RNF103: variants seen among roughly 807,000 people sequenced by gnomAD.
The protein encoded by RNF103 is ring finger protein 103, also known as E3 ubiquitin-protein ligase RNF103.
RNF103 carries 23 observed loss-of-function variants against 66.2 expected under a neutral mutation model. The observed-to-expected ratio is 0.35, with a 90% confidence interval of 0.25 to 0.49. RNF103 has a LOEUF of 0.49. Ranked by LOEUF, RNF103 falls within the 20% of genes least tolerant of loss-of-function variation. RNF103 has a pLI of 0.98. For missense variants in RNF103, 730 were observed against 814.7 expected (o/e 0.90, Z 1.27); for synonymous variants, 297 against 289.9 (o/e 1.02, Z -0.25).
Position 86,604,773 on chromosome 2 carries a change from G to C in RNF103, c.1128C>G (p.Gly376=), listed in dbSNP as rs936164975. 6.2e-7 allele frequency: 1 copy of C among 1,613,928 alleles called. No individual in the cohort carries two copies. Among genetic ancestry groups the C allele is most frequent in the African/African-American group, 1.3e-5 (1 of 74,914 alleles). Residue 376 remains glycine, a synonymous_variant, in exon 4 of 4, where the codon GGC becomes GGG. Coordinates refer to ENST00000237455, the MANE Select transcript of RNF103 (RefSeq NM_005667.4). ...LLIISWLPVL[G]FLQLPYLDSF... ...TATCTAAGTAAGGTAGCTGTAAAAA[G>C]CCCAACACAGGTAGCCAGGAAATAA...
At chr2:86,617,568 C>T (rs374537117) in intron 2 of RNF103, 43 of 791,168 alleles carry the variant, frequency 5.4e-5, no homozygotes, top group African/African-American at 4.0e-4. Flanking sequence ...GTACTATCCA[C>T]GGTTTCAGGC....
chr2:86,611,666 TAAAG>T (rs1292773925), intron 3 of RNF103, among the ~76,000 whole-genome samples: 1 of 151,884 alleles, frequency 6.6e-6, no homozygotes, highest in Non-Finnish European at 1.5e-5. Flanking sequence ...CATGGATGAT[TAAAG>T]AAAAAGAGGA....
In RNF103 at chr2:86,610,511, CAG is replaced by C. The variant is rs558530784; in HGVS notation, c.482+1646_482+1647del. 1.2e-3 allele frequency among the ~76,000 whole-genome samples: 186 copies of C among 152,254 alleles called. 1 individual carries two copies. Among genetic ancestry groups the C allele is most frequent in the Middle Eastern group, 6.8e-3 (2 of 292 alleles). On this transcript the variant is annotated intron_variant, in intron 3 of 3. Transcript: ENST00000237455. The stretch of plus-strand genomic sequence containing the variant: ...CATTCTTTCAGTTTTTCACGTTTAA[CAG>C]ATTATTTTTATTTTGTTTTTGAATT...
chr2:86,603,830 A>C lies in RNF103; in HGVS notation c.*13T>G. ...AAGATACTCAAAGCTTATAAAGGAC[A>C]AATTGCACATGGTTAAGATGGGACA... On this transcript the variant is annotated 3_prime_UTR_variant, in exon 4 of 4. Coordinates refer to ENST00000237455, the MANE Select transcript of RNF103 (RefSeq NM_005667.4). 1 of 1,593,356 alleles carries C rather than the reference A, an allele frequency of 6.3e-7. No individual in the cohort carries two copies. Among genetic ancestry groups the C allele is most frequent in the Non-Finnish European group, 8.5e-7 (1 of 1,171,564 alleles).
intron 2 of RNF103, chr2:86,616,724 A>G: frequency 1.0e-6 from 1 of 985,410 alleles, no homozygotes; most frequent in African/African-American, 1.7e-5. Context: ...TGCTACCTCA[A>G]TTCCAGTGAC....
In RNF103 at chr2:86,604,563, TTCA is replaced by T. The variant is rs1209182351; in HGVS notation, c.1335_1337del (p.Asp445del). ...ACCATTCTAAGTTATTGGCATTGAC[TTCA>T]TCATTGTTGTTGTTGCGCCTTCTCT... On this transcript the variant is annotated inframe_deletion, in exon 4 of 4. Coordinates refer to ENST00000237455, the MANE Select transcript of RNF103 (RefSeq NM_005667.4). 6 of 1,614,180 alleles carry T rather than the reference TTCA, an allele frequency of 3.7e-6. No individual in the cohort carries two copies. Among genetic ancestry groups the T allele is most frequent in the Non-Finnish European group, 4.2e-6 (5 of 1,180,024 alleles).
chr2:86,604,472 G>A lies in RNF103; in HGVS notation c.1429C>T (p.Pro477Ser), dbSNP rs191032796. The change falls in exon 4 of 4, where the codon CCT becomes TCT. Residue 477 changes from proline to serine, a missense_variant. Physicochemically the swap from Pro to Ser is moderately conservative, Grantham distance 74 (BLOSUM62 -1). This residue lies in a region of RNF103 where 355 missense variants were observed against 351.9 expected (regional missense o/e 1.01). Coordinates refer to ENST00000237455, the MANE Select transcript of RNF103 (RefSeq NM_005667.4). Reference sequence around the variant, plus strand: ...TCTTCGTCCCAATCAGATTCTACAGGAAAGTTCTGAAAAGAAGCAATCGGG... The same window carrying A: ...TCTTCGTCCCAATCAGATTCTACAGAAAAGTTCTGAAAAGAAGCAATCGGG... ...FHPIASFQNF[P>S]VESDWDEDPD... 1 of 1,614,220 alleles carries A rather than the reference G, an allele frequency of 6.2e-7. No individual in the cohort carries two copies. Among genetic ancestry groups the A allele is most frequent in the African/African-American group, 1.3e-5 (1 of 75,060 alleles).
intron 1 of RNF103, 99 bp downstream of exon 1, chr2:86,622,562 C>G (rs1247677969): frequency 1.7e-6 from 2 of 1,205,256 alleles, no homozygotes; most frequent in Non-Finnish European, 2.4e-6. Flanking sequence ...TTAACGCTTC[C>G]AGGAAAGGCC....
rs1345732037 is a variant in RNF103 at position 86,623,847 on chromosome 2, G to C, written c.-961C>G. Reference sequence around the variant, plus strand: ...CAACCGTGTATCAGCGGCGGCCGCGGCCGGAGCCGAGACATAACAACTGAC... The same window carrying C: ...CAACCGTGTATCAGCGGCGGCCGCGCCCGGAGCCGAGACATAACAACTGAC... On this transcript the variant is annotated 5_prime_UTR_variant, in exon 1 of 4. Coordinates refer to ENST00000237455, the MANE Select transcript of RNF103 (RefSeq NM_005667.4). 8 of 1,287,902 alleles carry C rather than the reference G, an allele frequency of 6.2e-6. No homozygotes were observed. The highest frequency in any genetic ancestry group is 8.1e-6 in the Non-Finnish European group (8 of 988,276). 79.8% of individuals were successfully genotyped at this position (1,287,902 alleles called of 1,614,324 possible). A position where few individuals can be genotyped will look rare whatever the true frequency, so the allele number is the denominator to read the frequency against.
chr2:86,617,455 G>T, intron 2 of RNF103: 1 of 469,524 alleles, frequency 2.1e-6, no homozygotes, highest in South Asian at 9.1e-5. Context: ...TGTTATAATT[G>T]TTCTATTTTT....
chr2:86,609,631 C>T (rs1260644224), intron 3 of RNF103, among the ~76,000 whole-genome samples: 1 of 152,016 alleles, frequency 6.6e-6, no homozygotes, highest in Non-Finnish European at 1.5e-5. Context: ...GGTGATCTAC[C>T]TGCCTCAGCC....
At chr2:86,611,180 A>C (rs1401237016) in intron 3 of RNF103, among the ~76,000 whole-genome samples, 1 of 122,416 alleles carries the variant, frequency 8.2e-6, no homozygotes, top group African/African-American at 5.1e-5. Context: ...ATCCTGTCTC[A>C]AAAAAAAAAA....
At chr2:86,612,137 A>G in intron 3 of RNF103, 22 bp downstream of exon 3, 2 of 1,516,606 alleles carry the variant, frequency 1.3e-6, no homozygotes, top group African/African-American at 1.4e-5. Flanking sequence ...CTCAAATTCT[A>G]AGAATTGCCT....
chr2:86,622,403 A>T (rs1462712296), intron 1 of RNF103, among the ~76,000 whole-genome samples: 1 of 152,226 alleles, frequency 6.6e-6, no homozygotes, highest in Non-Finnish European at 1.5e-5. Context: ...CTTAGTAAAC[A>T]ACGCTAAGAA....
At position 86,605,053 on chromosome 2, in the gene RNF103, T is replaced by C. The variant is rs1678493310; in HGVS notation, c.848A>G (p.Tyr283Cys). The change falls in exon 4 of 4, where the codon TAT becomes TGT. Residue 283 changes from tyrosine to cysteine, a missense_variant. Transcript: ENST00000237455. ...TCTAAGTATGTATGATGGCATATTA[T>C]ATATGCCAATATCTGTCATATAACT... ...NKSYMTDIGIYNMPSYILRTP... is the reference protein window; with the variant it reads ...NKSYMTDIGICNMPSYILRTP... The C allele has an allele frequency of 1.2e-6, 2 of 1,613,986 alleles. No homozygotes were observed. The highest frequency in any genetic ancestry group is 1.7e-6 in the Non-Finnish European group (2 of 1,179,902).
At chr2:86,617,327 G>C in intron 2 of RNF103, 1 of 985,146 alleles carries the variant, frequency 1.0e-6, no homozygotes. Flanking sequence ...AAAATACAGT[G>C]GTCTCCCCTT....
At chr2:86,606,533 C>T (rs181601413) in intron 3 of RNF103, among the ~76,000 whole-genome samples, 3 of 151,800 alleles carry the variant, frequency 2.0e-5, no homozygotes, top group Non-Finnish European at 1.5e-5. Flanking sequence ...CATGGCAACG[C>T]GTGCCTGTAA....
chr2:86,608,843 C>G (rs947808461), intron 3 of RNF103, among the ~76,000 whole-genome samples: 2 of 152,180 alleles, frequency 1.3e-5, no homozygotes, highest in Non-Finnish European at 2.9e-5. Context: ...TGAAATCGAT[C>G]TGCTGGTTAG....
chr2:86,621,324 G>A (rs968659259), intron 1 of RNF103, among the ~76,000 whole-genome samples: 1 of 152,076 alleles, frequency 6.6e-6, no homozygotes, highest in African/African-American at 2.4e-5. Flanking sequence ...AAAAAAAAAT[G>A]TGTGACCAAA....
Sources: gnomAD v4.1 joint callset for allele counts (sites outside exome capture counted in the v4.1 genomes callset) on GRCh38, gnomAD v4.1.1 for gene constraint, gnomAD v4.1.1 regional missense constraint, MANE v1.5 for transcripts, NCBI Gene and HGNC (gene_info 2026-07-23, HGNC 2026-07-21) for gene names.